Variants in APC2 observed in about 807,000 individuals in gnomAD.
The protein encoded by APC2 is APC regulator of Wnt signaling pathway 2.
In APC2, 41 loss-of-function variants were observed where a neutral mutation model predicts 72.5. That is an observed-to-expected ratio of 0.57 (90% CI 0.44 to 0.73). The LOEUF (loss-of-function observed/expected upper bound fraction) is 0.73. Ranked by LOEUF, APC2 falls within the 30% of genes least tolerant of loss-of-function variation. APC2 has a pLI of 0.00. For missense variants in APC2, 3,729 were observed against 3,403.4 expected (o/e 1.10, Z -2.38); for synonymous variants, 1,898 against 1,612.0 (o/e 1.18, Z -4.25).
At position 1,470,006 on chromosome 19, in the gene APC2, C is replaced by A. The variant is rs1243806769; in HGVS notation, c.6705C>A (p.Leu2235=). Residue 2235 remains leucine (L), a synonymous_variant, in exon 15 of 15, where the codon CTC becomes CTA. Coordinates refer to ENST00000590469, the MANE Select transcript of APC2 (RefSeq NM_005883.3). ...LLGSDVDGPS[L]AKAPISAPFV... is the part of the protein sequence containing the mutation. ...GCAGCGACGTGGACGGTCCCAGCCT[C>A]GCCAAGGCTCCCATCTCCGCACCCT... The A allele has an allele frequency of 6.5e-7, 1 of 1,543,212 alleles. No homozygotes were observed. The highest frequency in any genetic ancestry group is 1.4e-5 in the African/African-American group (1 of 72,954).
At position 1,468,330 on chromosome 19, in the gene APC2, C is replaced by T. The variant is rs2084062495; in HGVS notation, c.5029C>T (p.Arg1677Trp). 6 of 1,556,610 alleles carry T rather than the reference C, an allele frequency of 3.9e-6. No homozygotes were observed. Among genetic ancestry groups the T allele is most frequent in the South Asian group, 1.2e-5 (1 of 84,184 alleles). The change falls in exon 15 of 15, where the codon CGG (arginine) becomes TGG (tryptophan). Residue 1677 changes from arginine to tryptophan, a missense_variant. Coordinates refer to ENST00000590469, the MANE Select transcript of APC2 (RefSeq NM_005883.3). ...CGGCGAGGAGGCAGCGGGCTCGGACCGGGCCTCCGACCTGGATAGCGTGGA... is the reference window on the plus strand; with the variant it reads ...CGGCGAGGAGGCAGCGGGCTCGGACTGGGCCTCCGACCTGGATAGCGTGGA... ...ERGEEAAGSD[R>W]ASDLDSVEWR...
In APC2 at chr19:1,459,355, G is replaced by A. The variant is rs2145206733; in HGVS notation, c.1304-826G>A. Among the ~76,000 whole-genome samples the A allele has an allele frequency of 3.3e-5, 5 of 152,280 alleles. No homozygotes were observed. In the Middle Eastern group the frequency reaches 0.017, roughly 518 times the overall value. On this transcript the variant is annotated intron_variant, in intron 10 of 14. Coordinates refer to ENST00000590469, the MANE Select transcript of APC2 (RefSeq NM_005883.3). ...AAAGTGCTGGAGTTGCAGGCAGAAG[G>A]AGCCACCACACCCGGCCAAAGCCTG...
chr19:1,457,987 G>A lies in APC2; in HGVS notation c.1230G>A (p.Gln410=). The change falls in exon 10 of 15, where the codon CAG becomes CAA. Residue 410 remains glutamine (Q), a synonymous_variant. Transcript: ENST00000590469. ...AGSAPIPIEP[Q]ICQATCAVMK... is the part of the protein sequence containing the mutation. The stretch of plus-strand genomic sequence containing the variant: ...CAGCCCCGATCCCCATCGAGCCGCA[G>A]ATCTGCCAGGCCACCTGTGCTGTTA... 3 of 1,560,722 alleles carry A rather than the reference G, an allele frequency of 1.9e-6. No individual in the cohort carries two copies. Among genetic ancestry groups the A allele is most frequent in the Non-Finnish European group, 2.6e-6 (3 of 1,152,466 alleles).
upstream of APC2, chr19:1,446,481 G>C (rs2083688464): frequency 1.7e-6 from 1 of 604,844 alleles, no homozygotes; most frequent in Non-Finnish European, 2.1e-6. This position sits in a 1 kb window ranked among gnomAD's most constrained non-coding sequence, Gnocchi z 6.1. Flanking sequence ...CGGGGGTCTA[G>C]TGCCGTCGCC....
Position 1,453,575 on chromosome 19 carries a change from C to A in APC2, c.377C>A (p.Ala126Asp). The A allele has an allele frequency of 6.2e-7, 1 of 1,609,258 alleles. No homozygotes were observed. The highest frequency in any genetic ancestry group is 1.7e-5 in the Admixed American group (1 of 59,508). The change falls in exon 4 of 15, where the codon GCC (alanine) becomes GAC (aspartate). Residue 126 changes from alanine (A) to aspartate (D), a missense_variant. Ala to Asp is a moderately radical substitution (Grantham distance 126, BLOSUM62 -2). Coordinates refer to ENST00000590469, the MANE Select transcript of APC2 (RefSeq NM_005883.3). The stretch of plus-strand genomic sequence containing the variant: ...GACAGCTTTGGGGAGCTGAGCCGGG[C>A]CACCATCCGGCTGCTGGAGGAACTG... ...SKDSFGELSRATIRLLEELDR... is the reference protein window; with the variant it reads ...SKDSFGELSRDTIRLLEELDR...
rs570779291 is a variant in APC2, at chr19:1,467,195, C to T, written c.3894C>T (p.Pro1298=). 1.1e-5 allele frequency: 16 copies of T among 1,502,704 alleles called. No individual in the cohort carries two copies. The South Asian group carries it at 2.1e-4, about 20-fold the overall frequency. The allele number at this position is 1,502,704 out of a possible 1,614,324, so 93.1% of individuals were successfully genotyped here. A position where few individuals can be genotyped will look rare whatever the true frequency, so the allele number is the denominator to read the frequency against. ...AGGACGTGGAGCTGCGGCTGCTGCC[C>T]TCGGCCTGCCCCGAGCGCGGCGGGG... The part of the protein sequence containing the change: ...VQQDVELRLL[P]SACPERGGGA... Residue 1298 remains proline (P), a synonymous_variant, in exon 15 of 15, where the codon CCC becomes CCT. Transcript: ENST00000590469.
upstream of APC2, among the ~76,000 whole-genome samples, chr19:1,449,183 G>A (rs533015589): frequency 1.2e-4 from 18 of 152,310 alleles, no homozygotes; most frequent in South Asian, 2.1e-4. Flanking sequence ...GGAGGAAACC[G>A]AGGGTTGAGC....
chr19:1,462,692 C>T (rs1171310297), intron 14 of APC2, among the ~76,000 whole-genome samples: 2 of 148,422 alleles, frequency 1.3e-5, no homozygotes, highest in Non-Finnish European at 3.0e-5. Flanking sequence ...TTCAGGCAGC[C>T]AGGCGCAGTG....
Position 1,453,266 on chromosome 19 carries a change from A to G in APC2, c.161A>G (p.Gln54Arg). 1 of 1,568,806 alleles carries G rather than the reference A, an allele frequency of 6.4e-7. No individual in the cohort carries two copies. Among genetic ancestry groups the G allele is most frequent in the Non-Finnish European group, 8.6e-7 (1 of 1,156,684 alleles). The change falls in exon 3 of 15, where the codon CAG (glutamine) becomes CGG (arginine). Residue 54 changes from glutamine to arginine, a missense_variant. By Grantham distance (43) the Gln-to-Arg change is conservative (BLOSUM62 1). Coordinates refer to ENST00000590469, the MANE Select transcript of APC2 (RefSeq NM_005883.3). ...SGMKEVLKHLQGKLEQEARVL... is the reference protein window; with the variant it reads ...SGMKEVLKHLRGKLEQEARVL... ...CTGCAGGAGGTCCTGAAGCACCTAC[A>G]GGGAAAACTGGAGCAGGAGGCCCGA...
At position 1,458,124 on chromosome 19, in the gene APC2, C is replaced by T. The variant is rs562185980; in HGVS notation, c.1303+64C>T. 16 of 1,425,652 alleles carry T rather than the reference C, an allele frequency of 1.1e-5. No homozygotes were observed. In the South Asian group the frequency reaches 1.7e-4, roughly 15 times the overall value. 88.3% of individuals were successfully genotyped at this position (1,425,652 alleles called of 1,614,324 possible). A position where few individuals can be genotyped will look rare whatever the true frequency, so the allele number is the denominator to read the frequency against. On this transcript the variant is annotated intron_variant, in intron 10 of 14. Transcript: ENST00000590469. ...CCCCGAACAGGTGGTGGCTCCTCGG[C>T]CGCTAAAGGGACACAGGCTGGGTCA...
At position 1,456,106 on chromosome 19, in the gene APC2, AAGG is replaced by A. The variant is rs567823973; in HGVS notation, c.673_675del (p.Glu225del). Reference sequence around the variant, plus strand: ...CGCCTCGCGCCTGGAGCAGATTGACAAGGAGCTGCTGGAGGCGCAGGACCGAGT... The same window carrying A: ...CGCCTCGCGCCTGGAGCAGATTGACAAGCTGCTGGAGGCGCAGGACCGAGT... On this transcript the variant is annotated inframe_deletion, in exon 7 of 15. Transcript: ENST00000590469. 5 of 1,591,012 alleles carry A rather than the reference AAGG, an allele frequency of 3.1e-6. No individual in the cohort carries two copies. Among genetic ancestry groups the A allele is most frequent in the Non-Finnish European group, 4.3e-6 (5 of 1,171,212 alleles).
Position 1,470,065 on chromosome 19 carries a change from G to C in APC2, c.6764G>C (p.Gly2255Ala). 1.9e-6 allele frequency: 3 copies of C among 1,590,182 alleles called. No individual in the cohort carries two copies. The highest frequency in any genetic ancestry group is 1.1e-5 in the South Asian group (1 of 88,436). ...GAGGGCCTGGGGGTCGCCGTGGGGG[G>C]CTTCCCCGCCAGCCGGCACGGCTCC... The part of the protein sequence containing the change: ...VHEGLGVAVG[G>A]FPASRHGSPS... The change falls in exon 15 of 15, where the codon GGC (glycine) becomes GCC (alanine). Residue 2255 changes from glycine (G) to alanine (A), a missense_variant. Transcript: ENST00000590469.
At position 1,455,473 on chromosome 19, in the gene APC2, C is replaced by T; in HGVS notation, c.612C>T (p.Thr204=). Residue 204 remains threonine (T), a synonymous_variant, in exon 6 of 15, where the codon ACC becomes ACT. Transcript: ENST00000590469. The stretch of plus-strand genomic sequence containing the variant: ...CGCTGATGGAGGAGCGCTTCGGCAC[C>T]TCGGACGAGATGGTGCAGCGGGCAC... The part of the protein sequence containing the change: ...IRSLMEERFG[T]SDEMVQRAQI... 1 of 1,603,814 alleles carries T rather than the reference C, an allele frequency of 6.2e-7. No individual in the cohort carries two copies. The highest frequency in any genetic ancestry group is 8.5e-7 in the Non-Finnish European group (1 of 1,175,668).
rs2084015906 is a variant in APC2 at position 1,466,417 on chromosome 19, T to C, written c.3116T>C (p.Val1039Ala). Residue 1039 changes from valine to alanine, a missense_variant, in exon 15 of 15, where the codon GTT becomes GCT. Coordinates refer to ENST00000590469, the MANE Select transcript of APC2 (RefSeq NM_005883.3). Reference sequence around the variant, plus strand: ...CTGCCGGCAGACCACCTGAGCAAGGTTCCCGAGAAGCTGGCGGCTGCCCCG... The same window carrying C: ...CTGCCGGCAGACCACCTGAGCAAGGCTCCCGAGAAGCTGGCGGCTGCCCCG... ...AWLPADHLSK[V>A]PEKLAAAPLS... 2 of 1,596,992 alleles carry C rather than the reference T, an allele frequency of 1.3e-6. No individual in the cohort carries two copies. The highest frequency in any genetic ancestry group is 1.7e-6 in the Non-Finnish European group (2 of 1,178,568).
Position 1,467,527 on chromosome 19 carries a change from A to G in APC2, c.4226A>G (p.Glu1409Gly). The G allele has an allele frequency of 1.4e-6, 2 of 1,474,576 alleles. No individual in the cohort carries two copies. The highest frequency in any genetic ancestry group is 1.8e-6 in the Non-Finnish European group (2 of 1,117,272). The allele number at this position is 1,474,576 out of a possible 1,614,324, so 91.3% of individuals were successfully genotyped here. ...NFSSAASLSD[E>G]TLQGPPRDQP... ...TCTAGCGCCGCCTCGCTCAGCGACG[A>G]GACGCTGCAGGGACCCCCCAGGGAC... Residue 1409 changes from glutamate to glycine, a missense_variant, in exon 15 of 15, where the codon GAG becomes GGG. Physicochemically the swap from Glu to Gly is moderately conservative, Grantham distance 98. Coordinates refer to ENST00000590469, the MANE Select transcript of APC2 (RefSeq NM_005883.3).
intron 4 of APC2, among the ~76,000 whole-genome samples, chr19:1,454,449 G>A (rs895089861): frequency 3.3e-5 from 5 of 151,120 alleles, no homozygotes; most frequent in African/African-American, 1.2e-4. Flanking sequence ...TATGATCATC[G>A]CTCACTGCAG....
At position 1,465,221 on chromosome 19, in the gene APC2, C is replaced by T. The variant is rs376234228; in HGVS notation, c.1920C>T (p.Thr640=). The part of the protein sequence containing the change: ...LLQHLTSHSL[T]IVSNACGTLW... ...AGCATCTGACTTCGCACAGCCTGAC[C>T]ATCGTGAGCAACGCGTGCGGCACGC... The change falls in exon 15 of 15, where the codon ACC becomes ACT. Residue 640 remains threonine, a synonymous_variant. Transcript: ENST00000590469. The T allele has an allele frequency of 7.5e-6, 12 of 1,610,428 alleles. No homozygotes were observed. The African/African-American group carries it at 9.3e-5, about 13-fold the overall frequency.
chr19:1,446,279 C>T, upstream of APC2: 7 of 981,908 alleles, frequency 7.1e-6, no homozygotes, highest in Non-Finnish European at 8.4e-6. The surrounding 1 kb of genome is among the most constrained non-coding windows in gnomAD (Gnocchi z 6.1). Context: ...CCGGGGCGGC[C>T]GCGGCTCCAT....
At chr19:1,461,178 ATGC>A in intron 13 of APC2, 25 bp downstream of exon 13, 1 of 1,583,740 alleles carries the variant, frequency 6.3e-7, no homozygotes. Flanking sequence ...GGCGGCAGGG[ATGC>A]TTCTTCAGTC....
Sources: allele counts gnomAD v4.1 joint callset (sites outside exome capture counted in the v4.1 genomes callset), GRCh38; gene constraint gnomAD v4.1.1; non-coding constraint Gnocchi (gnomAD v3.1); transcripts MANE v1.5; gene names NCBI Gene and HGNC (gene_info 2026-07-23, HGNC 2026-07-21).